Variants in ADCY10 observed in about 807,000 individuals in gnomAD.
The protein encoded by ADCY10 is adenylate cyclase 10, also known as adenylate cyclase type 10.
In ADCY10, 156 loss-of-function variants were observed where a neutral mutation model predicts 183.3. The ratio of observed to expected loss-of-function variants is 0.85; its 90% CI spans 0.75 to 0.97. The LOEUF (loss-of-function observed/expected upper bound fraction) is 0.97. Ranked by LOEUF, ADCY10 falls within the 50% of genes least tolerant of loss-of-function variation. The probability of loss-of-function intolerance (pLI) is 0.00; values close to 1 mark genes in which losing one functional copy is unlikely to be tolerated. For synonymous variants in ADCY10, 645 were observed against 670.0 expected, an observed-to-expected ratio of 0.96 and a Z score of 0.58; for missense variants, 1,745 against 1,934.3, an observed-to-expected ratio of 0.90 and a Z score of 1.84.
chr1:167,874,318 G>A (rs879799959), intron 13 of ADCY10, among the ~76,000 whole-genome samples: 1 of 152,140 alleles, frequency 6.6e-6, no homozygotes, highest in Admixed American at 6.5e-5. Context: ...GCAACAGAGT[G>A]AGACTCTGTC....
chr1:167,880,144 A>G lies in ADCY10; in HGVS notation c.1187T>C (p.Val396Ala). The change falls in exon 11 of 33, where the codon GTT (valine) becomes GCT (alanine). Residue 396 changes from valine (V) to alanine (A), a missense_variant. Val to Ala is a moderately conservative substitution (Grantham distance 64, BLOSUM62 0). Transcript: ENST00000367851. The part of the protein sequence containing the change: ...VASGIVFCGI[V>A]GHTVRHEYTV... ...GTACTCGTGTCTCACAGTGTGTCCA[A>G]CGATCCCACAGAAGACAATCCCACT... The G allele has an allele frequency of 6.2e-7, 1 of 1,613,370 alleles. No homozygotes were observed. The highest frequency in any genetic ancestry group is 8.5e-7 in the Non-Finnish European group (1 of 1,179,808).
Position 167,855,459 on chromosome 1 carries a change from G to A in ADCY10, c.2171+706C>T, listed in dbSNP as rs1571314517. On this transcript the variant is annotated intron_variant, in intron 17 of 32. Coordinates refer to ENST00000367851, the MANE Select transcript of ADCY10 (RefSeq NM_018417.6). ...CCATAGACAGAGAACACCAATACCA[G>A]ACCACACCATTGCCAGCCAGGTAAG... Among the ~76,000 whole-genome samples, 3 of 152,296 alleles carry A rather than the reference G, an allele frequency of 2.0e-5. No individual in the cohort carries two copies. In the South Asian group the frequency reaches 6.2e-4, roughly 32 times the overall value.
At chr1:167,819,247 A>ATTTTTTTTTTTTTT (rs11454786) in intron 30 of ADCY10, among the ~76,000 whole-genome samples, 1 of 128,324 alleles carries the variant, frequency 7.8e-6, no homozygotes. Context: ...AGAAAATCCG[A>ATTTTTTTTTTTTTT]TTTTTTTTTT....
In ADCY10 at chr1:167,859,037, T is replaced by C. The variant is rs914732410; in HGVS notation, c.1896+770A>G. ...AAAAGAAGGCAAGGATAACTTTAAA[T>C]GATACAGAATGGCATAATTTGCTAC... On this transcript the variant is annotated intron_variant, in intron 16 of 32. Transcript: ENST00000367851. Among the ~76,000 whole-genome samples the C allele has an allele frequency of 3.9e-5, 6 of 152,170 alleles. No individual in the cohort carries two copies. The East Asian group carries it at 1.2e-3, about 29-fold the overall frequency.
chr1:167,864,577 G>A (rs1666544380), intron 14 of ADCY10, among the ~76,000 whole-genome samples: 1 of 151,814 alleles, frequency 6.6e-6, no homozygotes, highest in Non-Finnish European at 1.5e-5. Flanking sequence ...GAGGCAAAAG[G>A]AAAGTCAAAG....
chr1:167,884,526 T>C (rs543219270), intron 8 of ADCY10, among the ~76,000 whole-genome samples: 2 of 152,134 alleles, frequency 1.3e-5, no homozygotes, highest in Non-Finnish European at 2.9e-5. Flanking sequence ...GATTAAATTA[T>C]TTTTTACTAT....
Position 167,820,368 on chromosome 1 carries a change from C to T in ADCY10, c.4286+1656G>A. Reference sequence around the variant, plus strand: ...GCCAGAGGGGCGGGGCCAGCCCGCGCCTCGCCTAGCCCGCCTGGCTCAGCA... The same window carrying T: ...GCCAGAGGGGCGGGGCCAGCCCGCGTCTCGCCTAGCCCGCCTGGCTCAGCA... On this transcript the variant is annotated intron_variant, in intron 30 of 32. Transcript: ENST00000367851. The T allele has an allele frequency of 4.9e-6, 3 of 618,366 alleles. No homozygotes were observed. The East Asian group carries it at 9.6e-5, about 20-fold the overall frequency. 38.3% of individuals were successfully genotyped at this position (618,366 alleles called of 1,614,324 possible).
intron 3 of ADCY10, 123 bp downstream of exon 3, chr1:167,903,764 A>G: frequency 1.4e-6 from 1 of 733,306 alleles, no homozygotes; most frequent in South Asian, 1.5e-5. Flanking sequence ...CTGGTTTTAT[A>G]CACATTTCAT....
chr1:167,900,724 G>A (rs947550145), intron 5 of ADCY10, among the ~76,000 whole-genome samples: 1 of 152,130 alleles, frequency 6.6e-6, no homozygotes, highest in Admixed American at 6.5e-5. Context: ...TAGAGACGGG[G>A]TTTCACCATG....
chr1:167,878,181 G>A (rs960483672), intron 12 of ADCY10, among the ~76,000 whole-genome samples: 1 of 152,168 alleles, frequency 6.6e-6, no homozygotes, highest in Non-Finnish European at 1.5e-5. Context: ...TCAAATGAGA[G>A]GATTTTTTGT....
At chr1:167,871,328 T>C (rs1667091631) in intron 13 of ADCY10, among the ~76,000 whole-genome samples, 1 of 152,210 alleles carries the variant, frequency 6.6e-6, no homozygotes, top group Non-Finnish European at 1.5e-5. Context: ...ATTTCTATCA[T>C]AAGAGCAACT....
At chr1:167,874,014 G>A (rs1292808795) in intron 13 of ADCY10, among the ~76,000 whole-genome samples, 2 of 152,120 alleles carry the variant, frequency 1.3e-5, no homozygotes, top group Non-Finnish European at 2.9e-5. Flanking sequence ...TGAAAAATAG[G>A]TGAAAAATTG....
intron 8 of ADCY10, among the ~76,000 whole-genome samples, chr1:167,886,051 C>T (rs1390472905): frequency 3.9e-5 from 6 of 152,032 alleles, no homozygotes; most frequent in Non-Finnish European, 8.8e-5. Context: ...TAAAAGAGGA[C>T]ACAAACAAAT....
At chr1:167,861,560 T>A (rs1205446170) in intron 14 of ADCY10, among the ~76,000 whole-genome samples, 1 of 152,256 alleles carries the variant, frequency 6.6e-6, no homozygotes, top group Non-Finnish European at 1.5e-5. Flanking sequence ...CCCAGAGTGC[T>A]ATGGCTTCTC....
At chr1:167,880,470 G>A (rs960728132) in intron 10 of ADCY10, 21 bp downstream of exon 10, 13 of 1,553,706 alleles carry the variant, frequency 8.4e-6, no homozygotes, top group Non-Finnish European at 9.8e-6. Context: ...ACCGCTGGGT[G>A]GGACCAGGGT....
At chr1:167,856,079 A>G in intron 17 of ADCY10, 86 bp downstream of exon 17, 1 of 1,475,158 alleles carries the variant, frequency 6.8e-7, no homozygotes, top group Non-Finnish European at 9.4e-7. Flanking sequence ...AGGCACATCA[A>G]GACACATACT....
intron 31 of ADCY10, among the ~76,000 whole-genome samples, chr1:167,815,151 CAAAA>C: frequency 6.6e-6 from 1 of 151,178 alleles, no homozygotes. Context: ...AAAAATTAGA[CAAAA>C]AAAAACCCCA....
chr1:167,864,999 A>C (rs1036163195), intron 14 of ADCY10, among the ~76,000 whole-genome samples: 1 of 152,196 alleles, frequency 6.6e-6, no homozygotes, highest in Non-Finnish European at 1.5e-5. Flanking sequence ...TAAAGAAAGA[A>C]ATATTTGTAA....
intron 26 of ADCY10, among the ~76,000 whole-genome samples, chr1:167,827,794 AC>A (rs1245183128): frequency 1.3e-5 from 2 of 151,392 alleles, no homozygotes; most frequent in Admixed American, 1.3e-4. Flanking sequence ...TCTCACTGCA[AC>A]CTCTGCCTCC....
Sources: allele counts gnomAD v4.1 joint callset (sites outside exome capture counted in the v4.1 genomes callset), GRCh38; gene constraint gnomAD v4.1.1; transcripts MANE v1.5; gene names NCBI Gene and HGNC (gene_info 2026-07-23, HGNC 2026-07-21).